Variants in KDM4C observed in about 807,000 individuals in gnomAD.
KDM4C encodes the protein lysine-specific demethylase 4C.
In KDM4C, 81 loss-of-function variants were observed where a neutral mutation model predicts 129.3. That is an observed-to-expected ratio of 0.63 (90% confidence interval 0.52 to 0.75). KDM4C has a LOEUF of 0.75. Ranked by LOEUF, KDM4C falls within the 30% of genes least tolerant of loss-of-function variation. KDM4C has a pLI of 0.00. For synonymous variants in KDM4C, 573 were observed against 456.1 expected (o/e 1.26, Z -3.26); for missense variants, 1,457 against 1,304.0 (o/e 1.12, Z -1.81).
intron 8 of KDM4C, among the ~76,000 whole-genome samples, chr9:6,956,408 A>T (rs1443903964): frequency 1.3e-5 from 2 of 152,080 alleles, no homozygotes; most frequent in African/African-American, 2.4e-5. Flanking sequence ...TTAAAAAATT[A>T]AAAAAAATTG....
At chr9:7,058,172 C>T (rs1208646235) in intron 17 of KDM4C, among the ~76,000 whole-genome samples, 1 of 152,206 alleles carries the variant, frequency 6.6e-6, no homozygotes, top group Non-Finnish European at 1.5e-5. Flanking sequence ...AGTTCAGTCT[C>T]TGCTATGGTG....
At chr9:6,800,880 G>A (rs548224190) in intron 2 of KDM4C, among the ~76,000 whole-genome samples, 3 of 152,218 alleles carry the variant, frequency 2.0e-5, no homozygotes, top group South Asian at 4.1e-4. Context: ...CTCCAGCCTC[G>A]GCCTCCTGAA....
intron 8 of KDM4C, among the ~76,000 whole-genome samples, chr9:6,927,012 G>A (rs141060255): frequency 1.4e-3 from 207 of 152,136 alleles, no homozygotes; most frequent in African/African-American, 4.7e-3. Context: ...TAGCTTTTTG[G>A]TAAAGCCAGC....
intron 2 of KDM4C, among the ~76,000 whole-genome samples, chr9:6,803,423 A>G (rs984237182): frequency 4.6e-5 from 7 of 151,950 alleles, no homozygotes; most frequent in South Asian, 2.1e-4. Context: ...TGCAAAAATT[A>G]GCCGGGCATG....
At chr9:6,739,520 C>T (rs760094120) in intron 1 of KDM4C, among the ~76,000 whole-genome samples, 4 of 152,128 alleles carry the variant, frequency 2.6e-5, no homozygotes, top group Non-Finnish European at 5.9e-5. Context: ...AACTTCTCAG[C>T]ATCAAATAAC....
At chr9:6,761,792 T>C (rs545849047) in intron 1 of KDM4C, among the ~76,000 whole-genome samples, 2 of 152,202 alleles carry the variant, frequency 1.3e-5, no homozygotes, top group East Asian at 3.9e-4. Flanking sequence ...ATTTAATGCT[T>C]CTCTCCCAAC....
intron 8 of KDM4C, among the ~76,000 whole-genome samples, chr9:6,913,491 G>A (rs749265876): frequency 1.4e-4 from 22 of 152,164 alleles, no homozygotes; most frequent in African/African-American, 5.1e-4. Flanking sequence ...TGAAGAATAC[G>A]TTTCATGTAC....
At chr9:7,142,564 A>G (rs138407145) in intron 19 of KDM4C, among the ~76,000 whole-genome samples, 4 of 152,222 alleles carry the variant, frequency 2.6e-5, no homozygotes, top group African/African-American at 9.6e-5. Flanking sequence ...CGAGTCTTGA[A>G]CATCTCTCAT....
chr9:6,904,859 G>A (rs1362098082), intron 8 of KDM4C, among the ~76,000 whole-genome samples: 1 of 152,044 alleles, frequency 6.6e-6, no homozygotes, highest in African/African-American at 2.4e-5. Context: ...CAACAGTTTT[G>A]TGGCAATGGG....
At chr9:7,163,382 A>C (rs181567564) in intron 19 of KDM4C, among the ~76,000 whole-genome samples, 275 of 152,276 alleles carry the variant, frequency 1.8e-3, no homozygotes, top group Non-Finnish European at 2.2e-3. Context: ...ACCATGGCAC[A>C]TAGTTTGGGA....
chr9:6,955,063 T>C (rs553279164), intron 8 of KDM4C, among the ~76,000 whole-genome samples: 4 of 152,288 alleles, frequency 2.6e-5, no homozygotes, highest in Non-Finnish European at 5.9e-5. Context: ...CCCCTCTTCC[T>C]CCCCTTCAGG....
chr9:7,110,560 G>A (rs1838205935), intron 18 of KDM4C, among the ~76,000 whole-genome samples: 1 of 152,124 alleles, frequency 6.6e-6, no homozygotes, highest in Admixed American at 6.6e-5. Context: ...AATGAGGTAT[G>A]GGTTGGGCCT....
chr9:6,862,434 G>A (rs890854189), intron 5 of KDM4C, among the ~76,000 whole-genome samples: 7 of 152,050 alleles, frequency 4.6e-5, no homozygotes, highest in Non-Finnish European at 1.5e-5. Context: ...TGAATAAAGT[G>A]CACTTTTGAA....
chr9:6,745,553 G>A (rs1428382266), intron 1 of KDM4C, among the ~76,000 whole-genome samples: 23 of 142,024 alleles, frequency 1.6e-4, no homozygotes, highest in African/African-American at 6.1e-4. Flanking sequence ...TGGCACCTCT[G>A]CGCAAGAGAA....
At chr9:7,113,628 C>G (rs1430259988) in intron 18 of KDM4C, among the ~76,000 whole-genome samples, 1 of 152,200 alleles carries the variant, frequency 6.6e-6, no homozygotes, top group Non-Finnish European at 1.5e-5. Flanking sequence ...CCTCAGCATA[C>G]TCTACGAAAG....
intron 8 of KDM4C, among the ~76,000 whole-genome samples, chr9:6,919,547 C>A: frequency 1.4e-5 from 1 of 72,092 alleles, no homozygotes; most frequent in East Asian, 3.8e-4. Context: ...GTCTGTCTGT[C>A]TATCTATCTA....
intron 4 of KDM4C, among the ~76,000 whole-genome samples, chr9:6,825,599 A>C (rs1293087566): frequency 6.6e-6 from 1 of 152,204 alleles, no homozygotes; most frequent in East Asian, 1.9e-4. Flanking sequence ...TTTGTCTTAT[A>C]AACCAGGCAA....
At chr9:7,014,288 G>T in intron 14 of KDM4C, 2 of 289,598 alleles carry the variant, frequency 6.9e-6, no homozygotes, top group Non-Finnish European at 1.3e-5. Flanking sequence ...CACATGTTTG[G>T]ATTTTACTTA....
At chr9:7,147,975 C>T (rs1203151780) in intron 19 of KDM4C, among the ~76,000 whole-genome samples, 1 of 152,182 alleles carries the variant, frequency 6.6e-6, no homozygotes, top group Non-Finnish European at 1.5e-5. Context: ...GCCCGGATCC[C>T]GTGCCTGCCA....
Sources: allele counts gnomAD v4.1 joint callset (sites outside exome capture counted in the v4.1 genomes callset), GRCh38; gene constraint gnomAD v4.1.1; transcripts MANE v1.5; gene names NCBI Gene and HGNC (gene_info 2026-07-23, HGNC 2026-07-21).